The following FAM83B variants were observed in gnomAD, a reference collection of about 807,000 sequenced individuals.
FAM83B encodes scaffolding CK1 anchoring protein B.
A neutral mutation model predicts 38.8 loss-of-function variants in FAM83B; 26 were observed. The observed-to-expected ratio is 0.67, with a 90% confidence interval of 0.49 to 0.93. The LOEUF is 0.93. FAM83B is among the 40% of genes least tolerant of loss of function. FAM83B has a pLI of 0.00. For synonymous variants in FAM83B, 419 were observed against 423.1 expected, an observed-to-expected ratio of 0.99 and a Z score of 0.12; for missense variants, 1,237 against 1,197.3, an observed-to-expected ratio of 1.03 and a Z score of -0.49.
At chr6:54,895,417 G>A (rs1292049927) in intron 2 of FAM83B, among the ~76,000 whole-genome samples, 1 of 152,130 alleles carries the variant, frequency 6.6e-6, no homozygotes, top group Non-Finnish European at 1.5e-5. Flanking sequence ...GATATGTAGT[G>A]TCTTTTTCAT....
intron 2 of FAM83B, among the ~76,000 whole-genome samples, chr6:54,896,333 A>G (rs933974743): frequency 2.6e-5 from 4 of 152,350 alleles, no homozygotes; most frequent in Admixed American, 2.6e-4. Flanking sequence ...CGAATGATGC[A>G]AAAAACAAGA....
rs369793975 is a variant in FAM83B at position 54,939,898 on chromosome 6, G to A, written c.927G>A (p.Ser309=). The A allele has an allele frequency of 2.0e-5, 32 of 1,613,894 alleles. No individual in the cohort carries two copies. The highest frequency in any genetic ancestry group is 3.3e-4 in the Middle Eastern group (2 of 6,060). The change falls in exon 5 of 5, where the codon TCG becomes TCA. Residue 309 remains serine, a synonymous_variant. Transcript: ENST00000306858. ...ALWENGTYQH[S]VSSLASVSSQ... is the part of the protein sequence containing the mutation. Reference sequence around the variant, plus strand: ...GGGAAAATGGCACTTACCAGCATTCGGTGTCTTCATTAGCATCTGTTTCCA... The same window carrying A: ...GGGAAAATGGCACTTACCAGCATTCAGTGTCTTCATTAGCATCTGTTTCCA...
At chr6:54,891,087 C>T (rs1391238232) in intron 2 of FAM83B, among the ~76,000 whole-genome samples, 2 of 151,992 alleles carry the variant, frequency 1.3e-5, no homozygotes, top group South Asian at 2.1e-4. Context: ...TGCTTGCTTC[C>T]CTGCTGCTAG....
intron 2 of FAM83B, among the ~76,000 whole-genome samples, chr6:54,924,284 T>A (rs1773238556): frequency 6.6e-6 from 1 of 151,936 alleles, no homozygotes; most frequent in African/African-American, 2.4e-5. Flanking sequence ...CTTAACATCA[T>A]GTTGTACATG....
At position 54,870,369 on chromosome 6, in the gene FAM83B, A is replaced by G. The variant is rs749602760; in HGVS notation, c.123A>G (p.Glu41=). ...ATATTCTGATTGAACACGGGTTAGA[A>G]GCATACCAAGAATTTCTTGTCCAGG... ...AIDILIEHGL[E]AYQEFLVQER... is the part of the protein sequence containing the mutation. The change falls in exon 2 of 5, where the codon GAA becomes GAG. Residue 41 remains glutamate, a synonymous_variant. Transcript: ENST00000306858. 8.7e-6 allele frequency: 14 copies of G among 1,613,940 alleles called. No individual in the cohort carries two copies. The Admixed American group carries it at 1.8e-4, about 21-fold the overall frequency.
chr6:54,900,360 C>G (rs1772634394), intron 2 of FAM83B, among the ~76,000 whole-genome samples: 1 of 152,090 alleles, frequency 6.6e-6, no homozygotes, highest in Middle Eastern at 3.2e-3. Context: ...TCTTTGGCCC[C>G]AGTAGGAAGC....
chr6:54,915,324 C>T (rs986057150), intron 2 of FAM83B, among the ~76,000 whole-genome samples: 1 of 152,096 alleles, frequency 6.6e-6, no homozygotes, highest in East Asian at 1.9e-4. Context: ...TAATTTAGGT[C>T]TCTACACCCT....
At chr6:54,902,085 A>C (rs559051992) in intron 2 of FAM83B, among the ~76,000 whole-genome samples, 7 of 152,084 alleles carry the variant, frequency 4.6e-5, no homozygotes, top group Non-Finnish European at 8.8e-5. Context: ...ATTATTTCCT[A>C]TATCTCAATG....
At chr6:54,887,175 A>G (rs1448942556) in intron 2 of FAM83B, among the ~76,000 whole-genome samples, 1 of 83,948 alleles carries the variant, frequency 1.2e-5, no homozygotes, top group Non-Finnish European at 2.0e-5. Context: ...CTTGAACAAC[A>G]TGACTTTAGA....
intron 2 of FAM83B, among the ~76,000 whole-genome samples, chr6:54,902,035 A>G (rs1772671242): frequency 6.6e-6 from 1 of 152,062 alleles, no homozygotes; most frequent in African/African-American, 2.4e-5. Flanking sequence ...TTTCTATTTC[A>G]TTTAACTCAT....
intron 2 of FAM83B, among the ~76,000 whole-genome samples, chr6:54,915,472 C>G (rs563678144): frequency 1.2e-3 from 188 of 152,246 alleles, no homozygotes; most frequent in African/African-American, 4.3e-3. Flanking sequence ...TCATGCTAGA[C>G]TAGGACTGAA....
intron 2 of FAM83B, among the ~76,000 whole-genome samples, chr6:54,887,413 G>A (rs1772304556): frequency 6.6e-6 from 1 of 152,180 alleles, no homozygotes; most frequent in Non-Finnish European, 1.5e-5. Context: ...AACTGGAACT[G>A]TGTATTCCGA....
intron 1 of FAM83B, among the ~76,000 whole-genome samples, chr6:54,869,710 A>C (rs1771798756): frequency 6.6e-6 from 1 of 152,184 alleles, no homozygotes; most frequent in South Asian, 2.1e-4. Context: ...TTCTTAAAGC[A>C]CTGAATATAG....
chr6:54,933,931 CTGTT>C (rs1410181449), intron 4 of FAM83B, among the ~76,000 whole-genome samples: 4 of 152,090 alleles, frequency 2.6e-5, no homozygotes, highest in Non-Finnish European at 4.4e-5. Context: ...AAGTTTCTCT[CTGTT>C]TGTTTCATGC....
At chr6:54,865,475 T>G (rs139951993) in intron 1 of FAM83B, among the ~76,000 whole-genome samples, 9 of 152,294 alleles carry the variant, frequency 5.9e-5, no homozygotes, top group African/African-American at 2.2e-4. Context: ...TAAGGTCACA[T>G]TCACCGGTAA....
Position 54,942,029 on chromosome 6 carries a change from G to A in FAM83B, c.*22G>A. On this transcript the variant is annotated 3_prime_UTR_variant, in exon 5 of 5. Coordinates refer to ENST00000306858, the MANE Select transcript of FAM83B (RefSeq NM_001010872.3). ...ATAGCTATTAAAATGCAAAATGAATGAGGCTATCAATATTTGTCCAAAGAA... is the reference window on the plus strand; with the variant it reads ...ATAGCTATTAAAATGCAAAATGAATAAGGCTATCAATATTTGTCCAAAGAA... 6.4e-7 allele frequency: 1 copy of A among 1,572,176 alleles called. No individual in the cohort carries two copies. The highest frequency in any genetic ancestry group is 8.6e-7 in the Non-Finnish European group (1 of 1,162,008).
intron 2 of FAM83B, among the ~76,000 whole-genome samples, chr6:54,915,487 C>T (rs1479640265): frequency 1.3e-5 from 2 of 152,140 alleles, no homozygotes; most frequent in African/African-American, 2.4e-5. Flanking sequence ...ACTGAAAACC[C>T]CTAACTCCTC....
intron 1 of FAM83B, among the ~76,000 whole-genome samples, chr6:54,852,932 G>C (rs1396963315): frequency 9.3e-6 from 1 of 107,480 alleles, no homozygotes; most frequent in Non-Finnish European, 1.9e-5. Context: ...TTCGATTTTT[G>C]TTGCAATTTT....
rs1305225052 is a variant in FAM83B at position 54,940,624 on chromosome 6, T to G, written c.1653T>G (p.Pro551=). 3.7e-6 allele frequency: 6 copies of G among 1,613,962 alleles called. No individual in the cohort carries two copies. The Admixed American group carries it at 1.0e-4, about 27-fold the overall frequency. ...RSSLVFKPTL[P]EQKEVNSCTT... is the part of the protein sequence containing the mutation. The stretch of plus-strand genomic sequence containing the variant: ...CTTTAGTATTTAAACCCACTTTACC[T>G]GAGCAAAAGGAAGTTAACAGTTGTA... The change falls in exon 5 of 5, where the codon CCT becomes CCG. Residue 551 remains proline (P), a synonymous_variant. Transcript: ENST00000306858.
Sources: gnomAD v4.1 joint callset for allele counts (sites outside exome capture counted in the v4.1 genomes callset) on GRCh38, gnomAD v4.1.1 for gene constraint, MANE v1.5 for transcripts, NCBI Gene and HGNC (gene_info 2026-07-23, HGNC 2026-07-21) for gene names.